The following SPHKAP variants were observed in gnomAD, a reference collection of about 807,000 sequenced individuals.
SPHKAP encodes the protein SPHK1 interactor, AKAP domain containing.
SPHKAP carries 67 observed loss-of-function variants against 137.5 expected under a neutral mutation model. The observed-to-expected ratio is 0.49, with a 90% CI of 0.40 to 0.60. The LOEUF (loss-of-function observed/expected upper bound fraction) is 0.60, where lower values mean the gene tolerates loss of function less well. SPHKAP is among the 20% of genes least tolerant of loss of function. The pLI, the probability that SPHKAP is intolerant of heterozygous loss-of-function variation, is 0.00. For missense variants in SPHKAP, 2,097 were observed against 2,069.3 expected (o/e 1.01, Z -0.26); for synonymous variants, 813 against 785.3 (o/e 1.04, Z -0.59).
At chr2:228,078,997 C>T (rs1697273438) in intron 3 of SPHKAP, among the ~76,000 whole-genome samples, 1 of 152,134 alleles carries the variant, frequency 6.6e-6, no homozygotes, top group Non-Finnish European at 1.5e-5. Flanking sequence ...GTTTGGGCCT[C>T]TGCATTACCA....
chr2:228,023,174 T>C (rs1694905755), intron 5 of SPHKAP, among the ~76,000 whole-genome samples: 4 of 152,334 alleles, frequency 2.6e-5, no homozygotes, highest in African/African-American at 7.2e-5. Flanking sequence ...CCAATAATTC[T>C]AGGAGAGATG....
At chr2:228,142,662 C>T (rs1254868967) in intron 1 of SPHKAP, among the ~76,000 whole-genome samples, 1 of 151,940 alleles carries the variant, frequency 6.6e-6, no homozygotes, top group African/African-American at 2.4e-5. Context: ...AGCATACGGA[C>T]ACCTAGATGA....
At chr2:228,180,190 T>G (rs1290800741) in intron 1 of SPHKAP, among the ~76,000 whole-genome samples, 3 of 152,126 alleles carry the variant, frequency 2.0e-5, no homozygotes, top group Admixed American at 6.5e-5. Flanking sequence ...AAGAGCTGCT[T>G]CAAGGAGTGC....
At chr2:228,142,928 T>C (rs1311958100) in intron 1 of SPHKAP, among the ~76,000 whole-genome samples, 1 of 152,224 alleles carries the variant, frequency 6.6e-6, no homozygotes, top group Non-Finnish European at 1.5e-5. Flanking sequence ...GAAAACCACC[T>C]GCCCATACTT....
At position 228,055,877 on chromosome 2, in the gene SPHKAP, T is replaced by C. The variant is rs561422270; in HGVS notation, c.247-28334A>G. Among the ~76,000 whole-genome samples the C allele has an allele frequency of 5.9e-5, 9 of 152,332 alleles. No individual in the cohort carries two copies. The South Asian group carries it at 1.9e-3, about 32-fold the overall frequency. ...ATTGCTCCTCCAGTTTCATTGGGCA[T>C]ATTGCTGCTACTGTCTCCAGCAATC... On this transcript the variant is annotated intron_variant, in intron 3 of 11. Transcript: ENST00000392056.
intron 1 of SPHKAP, among the ~76,000 whole-genome samples, chr2:228,143,117 A>G (rs757383395): frequency 2.6e-5 from 4 of 152,230 alleles, no homozygotes; most frequent in Non-Finnish European, 4.4e-5. Flanking sequence ...TGATAAGGTT[A>G]GTATGCAGAC....
chr2:228,027,843 G>T (rs1219651930), intron 3 of SPHKAP: 1 of 208,044 alleles, frequency 4.8e-6, no homozygotes, highest in Non-Finnish European at 8.3e-6. Context: ...GCACGCGCCT[G>T]TAGTCCCAGC....
intron 2 of SPHKAP, among the ~76,000 whole-genome samples, chr2:228,115,015 A>G (rs779351914): frequency 6.6e-6 from 1 of 152,152 alleles, no homozygotes; most frequent in Non-Finnish European, 1.5e-5. Context: ...TTGGCCCTTG[A>G]CTAGAGCGTT....
chr2:228,010,318 G>A lies in SPHKAP; in HGVS notation c.4448+6088C>T, dbSNP rs148702964. Among the ~76,000 whole-genome samples the A allele has an allele frequency of 3.9e-3, 598 of 152,228 alleles. 4 individuals are homozygous for A. The highest frequency in any genetic ancestry group is 0.013 in the African/African-American group (559 of 41,536). On this transcript the variant is annotated intron_variant, in intron 7 of 11. Transcript: ENST00000392056. ...GAGGCAGGTGGATCACCTGAGGTCA[G>A]GAGTTCAAGACCAGCCTGGCCAACA...
intron 1 of SPHKAP, among the ~76,000 whole-genome samples, chr2:228,173,558 A>G (rs1426763678): frequency 1.3e-5 from 2 of 152,142 alleles, no homozygotes; most frequent in African/African-American, 4.8e-5. Context: ...TCAACCCTCC[A>G]TTGCTAGCTT....
chr2:228,058,391 C>T (rs555118230), intron 3 of SPHKAP, among the ~76,000 whole-genome samples: 2 of 152,328 alleles, frequency 1.3e-5, no homozygotes, highest in East Asian at 3.9e-4. Context: ...CCACATTATG[C>T]AATTGAATCC....
intron 1 of SPHKAP, among the ~76,000 whole-genome samples, chr2:228,156,409 T>C (rs1700109007): frequency 6.6e-6 from 1 of 152,218 alleles, no homozygotes; most frequent in Admixed American, 6.5e-5. Context: ...CCTCATTTTC[T>C]AAGGTAAAGT....
chr2:228,019,129 T>A lies in SPHKAP; in HGVS notation c.1725A>T (p.Glu575Asp). 6.2e-7 allele frequency: 1 copy of A among 1,613,896 alleles called. No homozygotes were observed. Among genetic ancestry groups the A allele is most frequent in the Non-Finnish European group, 8.5e-7 (1 of 1,180,012 alleles). Residue 575 changes from glutamate to aspartate, a missense_variant, in exon 7 of 12, where the codon GAA becomes GAT. Transcript: ENST00000392056. Reference sequence around the variant, plus strand: ...CCACTGAGCATGTCACCTCTTCTCTTTCACCCAGACCACAGACAGCCACGG... The same window carrying A: ...CCACTGAGCATGTCACCTCTTCTCTATCACCCAGACCACAGACAGCCACGG... ...ASAVAVCGLGEREEVTCSVAP... is the reference protein window; with the variant it reads ...ASAVAVCGLGDREEVTCSVAP...
At chr2:228,171,474 A>G (rs778713514) in intron 1 of SPHKAP, among the ~76,000 whole-genome samples, 14 of 152,134 alleles carry the variant, frequency 9.2e-5, no homozygotes, top group Non-Finnish European at 1.3e-4. Flanking sequence ...GTTTGCTTAT[A>G]TTGTATAGGT....
intron 2 of SPHKAP, among the ~76,000 whole-genome samples, chr2:228,122,170 G>A (rs1300807144): frequency 6.6e-6 from 1 of 152,064 alleles, no homozygotes; most frequent in African/African-American, 2.4e-5. Flanking sequence ...AAAGGCCTGG[G>A]GGAATGACCA....
chr2:228,075,404 T>C (rs1360811708), intron 3 of SPHKAP, among the ~76,000 whole-genome samples: 2 of 152,130 alleles, frequency 1.3e-5, no homozygotes, highest in Non-Finnish European at 2.9e-5. Context: ...TTTCTTTGAA[T>C]TACCAAAGGC....
intron 3 of SPHKAP, among the ~76,000 whole-genome samples, chr2:228,086,783 G>A (rs1697552327): frequency 6.6e-6 from 1 of 152,198 alleles, no homozygotes; most frequent in Non-Finnish European, 1.5e-5. Flanking sequence ...TTGAAACGGA[G>A]TCTGGGAAAG....
intron 3 of SPHKAP, among the ~76,000 whole-genome samples, chr2:228,029,102 T>C (rs868132659): frequency 6.6e-6 from 1 of 152,162 alleles, no homozygotes. Flanking sequence ...GGAAGGGAAG[T>C]GTTGGTAATT....
rs538617706 is a variant in SPHKAP at position 228,152,715 on chromosome 2, C to T, written c.33-20630G>A. On this transcript the variant is annotated intron_variant, in intron 1 of 11. Coordinates refer to ENST00000392056, the MANE Select transcript of SPHKAP (RefSeq NM_001142644.2). ...TTTTTGGCCTAGTGTGGAAGTTATA[C>T]CTTCTTTTTTTTTTTTAGTAGTTAT... is the stretch of plus-strand genomic sequence containing the variant. Among the ~76,000 whole-genome samples the T allele has an allele frequency of 7.0e-5, 9 of 127,810 alleles. No homozygotes were observed. In the East Asian group the frequency reaches 1.8e-3, roughly 25 times the overall value. 83.8% of individuals were successfully genotyped at this position (127,810 alleles called of 152,430 possible).
Sources: allele counts gnomAD v4.1 joint callset (sites outside exome capture counted in the v4.1 genomes callset), GRCh38; gene constraint gnomAD v4.1.1; transcripts MANE v1.5; gene names NCBI Gene and HGNC (gene_info 2026-07-23, HGNC 2026-07-21).